SPON1: variants seen among roughly 807,000 people sequenced by gnomAD.
SPON1 encodes spondin 1.
SPON1 carries 52 observed loss-of-function variants against 111.7 expected under a neutral mutation model. The observed-to-expected ratio is 0.47, with a 90% CI of 0.37 to 0.59. SPON1 has a LOEUF of 0.59. SPON1 is among the 20% of genes least tolerant of loss of function. SPON1 has a pLI of 0.00. For synonymous variants in SPON1, 410 were observed against 395.8 expected, an observed-to-expected ratio of 1.04 and a Z score of -0.43; for missense variants, 957 against 1,068.5, an observed-to-expected ratio of 0.90 and a Z score of 1.46.
At chr11:14,066,711 C>A (rs1389593788) in intron 3 of SPON1, among the ~76,000 whole-genome samples, 2 of 152,184 alleles carry the variant, frequency 1.3e-5, no homozygotes, top group African/African-American at 4.8e-5. Flanking sequence ...CCCACCCCAC[C>A]TTTCCTTTAC....
intron 6 of SPON1, among the ~76,000 whole-genome samples, chr11:14,192,558 G>T (rs1848357839): frequency 6.6e-6 from 1 of 152,178 alleles, no homozygotes; most frequent in Admixed American, 6.5e-5. Flanking sequence ...GGGTACAAAA[G>T]GTGAATTTAA....
Position 14,256,600 on chromosome 11 carries a change from T to C in SPON1, c.1234-17T>C, listed in dbSNP as rs1011181159. The C allele has an allele frequency of 4.4e-6, 7 of 1,598,700 alleles. No individual in the cohort carries two copies. In the African/African-American group the frequency reaches 9.4e-5, roughly 21 times the overall value. On this transcript the variant is annotated splice_polypyrimidine_tract_variant and intron_variant, in intron 9 of 15. Coordinates refer to ENST00000576479, the MANE Select transcript of SPON1 (RefSeq NM_006108.4). Reference sequence around the variant, plus strand: ...CTTTCTCTCATGTGAGCCCTCCAAGTAAAATTCCTTTTTCAGGGTGAACAA... The same window carrying C: ...CTTTCTCTCATGTGAGCCCTCCAAGCAAAATTCCTTTTTCAGGGTGAACAA...
At chr11:14,213,757 C>T (rs1236677998) in intron 6 of SPON1, among the ~76,000 whole-genome samples, 7 of 152,208 alleles carry the variant, frequency 4.6e-5, no homozygotes, top group South Asian at 2.1e-4. Flanking sequence ...ACATAAGCCA[C>T]GCTGTACTGA....
intron 5 of SPON1, among the ~76,000 whole-genome samples, chr11:14,127,439 A>G (rs962902493): frequency 1.3e-5 from 2 of 152,098 alleles, no homozygotes; most frequent in Non-Finnish European, 2.9e-5. Context: ...CAGACACTGC[A>G]TGATTCATGA....
intron 8 of SPON1, 74 bp downstream of exon 8, chr11:14,254,803 A>T: frequency 1.4e-6 from 2 of 1,450,632 alleles, no homozygotes. Flanking sequence ...CACAGAGGGG[A>T]TCTGTCCCAG....
intron 2 of SPON1, among the ~76,000 whole-genome samples, chr11:13,987,655 G>T (rs1848195852): frequency 1.3e-5 from 2 of 152,094 alleles, no homozygotes; most frequent in Admixed American, 6.6e-5. Flanking sequence ...GTATTGCTCA[G>T]GTTTTCTTCT....
In SPON1 at chr11:14,259,267, C is replaced by A; in HGVS notation, c.1493-13C>A. 1 of 1,602,626 alleles carries A rather than the reference C, an allele frequency of 6.2e-7. No homozygotes were observed. Among genetic ancestry groups the A allele is most frequent in the Non-Finnish European group, 8.5e-7 (1 of 1,174,462 alleles). On this transcript the variant is annotated splice_polypyrimidine_tract_variant and intron_variant, in intron 11 of 15. Transcript: ENST00000576479. The surrounding 1 kb of genome is among the most constrained non-coding windows in gnomAD (Gnocchi z 5.0). Reference sequence around the variant, plus strand: ...ACCGTGCACTGCTGCAGCGTTCACTCGGTGTGTTGCAGACGGCTCCACCTG... The same window carrying A: ...ACCGTGCACTGCTGCAGCGTTCACTAGGTGTGTTGCAGACGGCTCCACCTG...
chr11:14,133,307 C>T (rs1240929745), intron 5 of SPON1, among the ~76,000 whole-genome samples: 1 of 152,236 alleles, frequency 6.6e-6, no homozygotes, highest in East Asian at 1.9e-4. Flanking sequence ...ACACTAGGCA[C>T]AGCACTAGGT....
chr11:14,123,962 C>T (rs561872672), intron 5 of SPON1, among the ~76,000 whole-genome samples: 12 of 152,174 alleles, frequency 7.9e-5, no homozygotes, highest in Non-Finnish European at 1.0e-4. Flanking sequence ...TTATTTATGT[C>T]CAGAGGGCTA....
At chr11:14,113,840 G>A (rs537013235) in intron 5 of SPON1, among the ~76,000 whole-genome samples, 3 of 151,586 alleles carry the variant, frequency 2.0e-5, no homozygotes, top group Admixed American at 6.6e-5. Flanking sequence ...TCCTGACCTC[G>A]TGATCCGCCC....
intron 7 of SPON1, among the ~76,000 whole-genome samples, 160 bp from the exon 8 acceptor site, chr11:14,254,368 A>AG (rs1554940940): frequency 6.6e-6 from 1 of 152,248 alleles, no homozygotes; most frequent in African/African-American, 2.4e-5. Context: ...AGGACAGAGA[A>AG]GGGTATAAAC....
intron 5 of SPON1, among the ~76,000 whole-genome samples, chr11:14,096,712 G>T (rs1849104319): frequency 6.6e-6 from 1 of 152,060 alleles, no homozygotes; most frequent in African/African-American, 2.4e-5. Flanking sequence ...AACTCCCTGG[G>T]AGCTTCACCT....
chr11:13,991,354 A>G (rs191995928), intron 2 of SPON1, among the ~76,000 whole-genome samples: 2 of 152,060 alleles, frequency 1.3e-5, no homozygotes, highest in East Asian at 1.9e-4. Flanking sequence ...CCTTTCTTCC[A>G]CTTGATCAAT....
chr11:14,090,824 G>GCCCCCC (rs1176498162), intron 5 of SPON1, among the ~76,000 whole-genome samples: 2 of 45,608 alleles, frequency 4.4e-5, no homozygotes, highest in African/African-American at 1.9e-4. Context: ...CTCTTATCTG[G>GCCCCCC]CCCCCCCCCC....
intron 5 of SPON1, among the ~76,000 whole-genome samples, chr11:14,115,324 G>A (rs1467695876): frequency 6.6e-6 from 1 of 152,180 alleles, no homozygotes; most frequent in Non-Finnish European, 1.5e-5. Context: ...TAAATTGTAA[G>A]TCTATAGCTC....
rs576953508 is a variant in SPON1 at position 14,109,551 on chromosome 11, A to G, written c.677-25869A>G. On this transcript the variant is annotated intron_variant, in intron 5 of 15. Coordinates refer to ENST00000576479, the MANE Select transcript of SPON1 (RefSeq NM_006108.4). ...TTGCATTGTTTTGCACATTTTGTGC[A>G]CAGAGTGGCTTTACTAATATTTTTA... 2.6e-5 allele frequency among the ~76,000 whole-genome samples: 4 copies of G among 152,312 alleles called. No individual in the cohort carries two copies. In the East Asian group the frequency reaches 7.7e-4, roughly 29 times the overall value.
At position 14,000,514 on chromosome 11, in the gene SPON1, C is replaced by T. The variant is rs550167244; in HGVS notation, c.345+17561C>T. Among the ~76,000 whole-genome samples, 10 of 152,290 alleles carry T rather than the reference C, an allele frequency of 6.6e-5. 1 individual carries two copies. In the South Asian group the frequency reaches 1.7e-3, roughly 25 times the overall value. Reference sequence around the variant, plus strand: ...TTCAGCACTATAATAGGGCCTGGCACATAATAGGTGTTTAATATATAGCTG... The same window carrying T: ...TTCAGCACTATAATAGGGCCTGGCATATAATAGGTGTTTAATATATAGCTG... On this transcript the variant is annotated intron_variant, in intron 2 of 15. Transcript: ENST00000576479.
At chr11:14,127,930 A>G (rs1554927170) in intron 5 of SPON1, among the ~76,000 whole-genome samples, 1 of 152,208 alleles carries the variant, frequency 6.6e-6, no homozygotes, top group African/African-American at 2.4e-5. Flanking sequence ...ACTGCCACAC[A>G]CTTTTAAGCT....
intron 2 of SPON1, among the ~76,000 whole-genome samples, chr11:14,015,526 A>C (rs1848438428): frequency 6.6e-6 from 1 of 152,242 alleles, no homozygotes; most frequent in African/African-American, 2.4e-5. Context: ...GGGGACATTC[A>C]GACCATAGCC....
Sources: gnomAD v4.1 joint callset for allele counts (sites outside exome capture counted in the v4.1 genomes callset) on GRCh38, gnomAD v4.1.1 for gene constraint, Gnocchi (gnomAD v3.1) non-coding constraint, MANE v1.5 for transcripts, NCBI Gene and HGNC (gene_info 2026-07-23, HGNC 2026-07-21) for gene names.